CNTN5: variants seen among roughly 807,000 people sequenced by gnomAD.
CNTN5 encodes the protein contactin-5.
A neutral mutation model predicts 129.1 loss-of-function variants in CNTN5; 77 were observed. The observed-to-expected ratio is 0.60, with a 90% confidence interval of 0.50 to 0.72. The LOEUF is 0.72. CNTN5 is among the 30% of genes least tolerant of loss of function. The pLI is 0.00. For missense variants in CNTN5, 1,478 were observed against 1,328.8 expected (o/e 1.11, Z -1.75); for synonymous variants, 509 against 465.6 (o/e 1.09, Z -1.20).
chr11:100,030,469 C>T (rs559695233), intron 9 of CNTN5, among the ~76,000 whole-genome samples: 3 of 152,288 alleles, frequency 2.0e-5, no homozygotes, highest in East Asian at 3.9e-4. Context: ...AATAGTATAT[C>T]ATTAACATGG....
intron 2 of CNTN5, among the ~76,000 whole-genome samples, chr11:99,466,567 G>C (rs951897269): frequency 2.6e-5 from 4 of 152,068 alleles, no homozygotes; most frequent in Non-Finnish European, 5.9e-5. Flanking sequence ...TTTTATTAGA[G>C]TAGGCAAGGC....
At chr11:100,139,388 G>A (rs1321481845) in intron 13 of CNTN5, among the ~76,000 whole-genome samples, 3 of 152,130 alleles carry the variant, frequency 2.0e-5, no homozygotes, top group Non-Finnish European at 2.9e-5. Flanking sequence ...GAAGTCAAGA[G>A]CAGAAAGTAT....
At chr11:100,197,628 C>G (rs573121068) in intron 15 of CNTN5, among the ~76,000 whole-genome samples, 1 of 152,058 alleles carries the variant, frequency 6.6e-6, no homozygotes, top group East Asian at 1.9e-4. Context: ...GGCCCCAGAG[C>G]CACAGTCTTA....
At chr11:99,765,288 CTA>C (rs1944715371) in intron 3 of CNTN5, among the ~76,000 whole-genome samples, 2 of 151,712 alleles carry the variant, frequency 1.3e-5, no homozygotes, top group Non-Finnish European at 2.9e-5. Context: ...GTTACTTACT[CTA>C]AAGTCCACCT....
chr11:99,289,626 C>A (rs1405933424), intron 1 of CNTN5, among the ~76,000 whole-genome samples: 1 of 151,764 alleles, frequency 6.6e-6, no homozygotes, highest in Non-Finnish European at 1.5e-5. Context: ...TGATCATCAT[C>A]CCTGTAGAGC....
intron 3 of CNTN5, among the ~76,000 whole-genome samples, chr11:99,654,299 G>T (rs941872411): frequency 1.3e-5 from 2 of 152,188 alleles, no homozygotes; most frequent in East Asian, 3.9e-4. Flanking sequence ...AACAGTGTTA[G>T]AATTTTGAGA....
At chr11:99,355,858 G>T (rs1247758252) in intron 2 of CNTN5, among the ~76,000 whole-genome samples, 2 of 140,868 alleles carry the variant, frequency 1.4e-5, no homozygotes, top group Admixed American at 1.5e-4. Flanking sequence ...ACGGAATCTC[G>T]CTCTTTCGCC....
intron 1 of CNTN5, among the ~76,000 whole-genome samples, chr11:99,050,847 T>A (rs1864399132): frequency 6.6e-6 from 1 of 151,926 alleles, no homozygotes; most frequent in South Asian, 2.1e-4. Flanking sequence ...AATCACAGCA[T>A]GTTTTTAACT....
intron 18 of CNTN5, among the ~76,000 whole-genome samples, chr11:100,289,181 C>T (rs908059238): frequency 2.8e-4 from 43 of 151,566 alleles, no homozygotes; most frequent in African/African-American, 9.9e-4. Flanking sequence ...ACCAGAGGTA[C>T]AAGGAGGAAC....
chr11:100,152,352 G>A (rs1169696285), intron 13 of CNTN5, among the ~76,000 whole-genome samples: 2 of 152,118 alleles, frequency 1.3e-5, no homozygotes, highest in African/African-American at 4.8e-5. Flanking sequence ...GGCAGAACCA[G>A]ACCTGGAACT....
At chr11:99,949,494 G>A (rs554027091) in intron 7 of CNTN5, among the ~76,000 whole-genome samples, 302 of 152,192 alleles carry the variant, frequency 2.0e-3, no homozygotes, top group African/African-American at 7.1e-3. Context: ...GTGAATTATG[G>A]GAAACCTGGA....
At chr11:99,880,137 T>G (rs1424057294) in intron 6 of CNTN5, among the ~76,000 whole-genome samples, 1 of 152,190 alleles carries the variant, frequency 6.6e-6, no homozygotes, top group Non-Finnish European at 1.5e-5. Context: ...GCATAGCGTG[T>G]GTTCATTAAT....
intron 13 of CNTN5, among the ~76,000 whole-genome samples, chr11:100,097,240 C>T (rs571603856): frequency 6.6e-6 from 1 of 152,032 alleles, no homozygotes; most frequent in African/African-American, 2.4e-5. Flanking sequence ...TATTAGATAT[C>T]ATTCAATCTA....
intron 1 of CNTN5, among the ~76,000 whole-genome samples, chr11:99,125,405 C>A (rs909936213): frequency 6.6e-6 from 1 of 151,684 alleles, no homozygotes; most frequent in Non-Finnish European, 1.5e-5. Context: ...ATTTTACATC[C>A]CTGCATGTTA....
chr11:99,419,828 C>T (rs1484622227), intron 2 of CNTN5, among the ~76,000 whole-genome samples: 1 of 151,866 alleles, frequency 6.6e-6, no homozygotes, highest in African/African-American at 2.4e-5. Context: ...ATTGTTATAT[C>T]CCAATTAATG....
chr11:99,454,579 C>T (rs953077355), intron 2 of CNTN5, among the ~76,000 whole-genome samples: 5 of 152,214 alleles, frequency 3.3e-5, no homozygotes, highest in East Asian at 1.9e-4. Context: ...GCTTTACCTC[C>T]GACCTATAGC....
intron 2 of CNTN5, among the ~76,000 whole-genome samples, chr11:99,434,246 T>G (rs1428516546): frequency 6.6e-6 from 1 of 152,170 alleles, no homozygotes; most frequent in Non-Finnish European, 1.5e-5. Context: ...TGATGCAATT[T>G]CCATGTCATG....
intron 3 of CNTN5, among the ~76,000 whole-genome samples, chr11:99,659,035 C>A (rs932793088): frequency 6.6e-6 from 1 of 152,082 alleles, no homozygotes; most frequent in South Asian, 2.1e-4. Flanking sequence ...ACCCCTGCCA[C>A]AGTTGATTTA....
chr11:100,348,163 C>G (rs1952328996), intron 23 of CNTN5, among the ~76,000 whole-genome samples: 1 of 148,842 alleles, frequency 6.7e-6, no homozygotes, highest in South Asian at 2.2e-4. Flanking sequence ...TCCATATTCT[C>G]TAAGAACTCT....
Sources: allele counts gnomAD v4.1 joint callset (sites outside exome capture counted in the v4.1 genomes callset), GRCh38; gene constraint gnomAD v4.1.1; transcripts MANE v1.5; gene names NCBI Gene and HGNC (gene_info 2026-07-23, HGNC 2026-07-21).